Variants in MGMT observed in about 807,000 individuals in gnomAD.
The protein encoded by MGMT is methylated-DNA--protein-cysteine methyltransferase.
MGMT carries 14 observed loss-of-function variants against 15.9 expected under a neutral mutation model. The ratio of observed to expected loss-of-function variants is 0.88; its 90% CI spans 0.58 to 1.37. The LOEUF is 1.37. Among genes scored for constraint, MGMT ranks in the 40% most tolerant of loss-of-function variants. The probability of loss-of-function intolerance (pLI) is 0.00; values close to 1 mark genes in which losing one functional copy is unlikely to be tolerated. For synonymous variants in MGMT, 130 were observed against 118.2 expected (o/e 1.10, Z -0.65); for missense variants, 282 against 268.1 (o/e 1.05, Z -0.36).
intron 2 of MGMT, among the ~76,000 whole-genome samples, chr10:129,674,478 T>G (rs1026519171): frequency 2.0e-5 from 3 of 152,216 alleles, no homozygotes; most frequent in Non-Finnish European, 4.4e-5. Flanking sequence ...AGTGGACTCT[T>G]GCTCCTTCCT....
At chr10:129,646,754 A>ATTTTTTTTTTTTTTTTTTTTTTTT (rs1554873525) in intron 2 of MGMT, among the ~76,000 whole-genome samples, 1 of 86,676 alleles carries the variant, frequency 1.2e-5, no homozygotes, top group Admixed American at 1.2e-4. Context: ...ATATATATAT[A>ATTTTTTTTTTTTTTTTTTTTTTTT]TTTTCAGGGA....
chr10:129,765,134 T>TC (rs771819444), intron 4 of MGMT, among the ~76,000 whole-genome samples: 2 of 151,672 alleles, frequency 1.3e-5, no homozygotes, highest in African/African-American at 4.8e-5. Flanking sequence ...ATGAGGCATG[T>TC]CCCCCCACAC....
intron 2 of MGMT, among the ~76,000 whole-genome samples, chr10:129,573,867 C>A (rs901054906): frequency 3.9e-5 from 6 of 152,058 alleles, no homozygotes; most frequent in African/African-American, 1.4e-4. Flanking sequence ...TCTAAGATCA[C>A]CGAATGGAGA....
chr10:129,514,709 C>T (rs1313528842), intron 1 of MGMT, among the ~76,000 whole-genome samples: 4 of 152,116 alleles, frequency 2.6e-5, no homozygotes, highest in South Asian at 2.1e-4. Context: ...GTAGAGCCCT[C>T]GACGATTGAG....
rs75453220 is a variant in MGMT, at chr10:129,683,509, G to T, written c.126-24386G>T. Among the ~76,000 whole-genome samples, 4 of 151,522 alleles carry T rather than the reference G, an allele frequency of 2.6e-5. No individual in the cohort carries two copies. The Admixed American group carries it at 2.7e-4, about 10-fold the overall frequency. On this transcript the variant is annotated intron_variant, in intron 2 of 4. Coordinates refer to ENST00000651593, the MANE Select transcript of MGMT (RefSeq NM_002412.5). Reference sequence around the variant, plus strand: ...CATACACATGGCAGCTTTTAACAACGTGCAGCCATGAAATATGGAAAACTT... The same window carrying T: ...CATACACATGGCAGCTTTTAACAACTTGCAGCCATGAAATATGGAAAACTT...
intron 4 of MGMT, among the ~76,000 whole-genome samples, chr10:129,764,353 C>T (rs2133189152): frequency 6.6e-6 from 1 of 152,364 alleles, no homozygotes; most frequent in East Asian, 1.9e-4. Context: ...CCCCCACCTC[C>T]CTCGGGGACG....
intron 2 of MGMT, among the ~76,000 whole-genome samples, chr10:129,540,123 C>G (rs973882841): frequency 1.3e-5 from 2 of 152,214 alleles, no homozygotes; most frequent in African/African-American, 2.4e-5. Context: ...ATCTGGCAGA[C>G]TCCATTTCTA....
At chr10:129,685,330 C>T (rs1206671941) in intron 2 of MGMT, among the ~76,000 whole-genome samples, 1 of 152,216 alleles carries the variant, frequency 6.6e-6, no homozygotes. Flanking sequence ...AAACTTCCTG[C>T]CTGGCCTGGG....
At chr10:129,573,455 C>CCT (rs1589873680) in intron 2 of MGMT, among the ~76,000 whole-genome samples, 1 of 152,036 alleles carries the variant, frequency 6.6e-6, no homozygotes, top group East Asian at 1.9e-4. Context: ...TAAGTCCCTT[C>CCT]CTATGGCTTC....
chr10:129,547,365 C>A (rs1022840528), intron 2 of MGMT, among the ~76,000 whole-genome samples: 1 of 152,182 alleles, frequency 6.6e-6, no homozygotes, highest in East Asian at 1.9e-4. Context: ...CACCTCCCCC[C>A]TTTCCTCCTG....
intron 2 of MGMT, among the ~76,000 whole-genome samples, chr10:129,692,344 A>T (rs112271154): frequency 0.013 from 1,924 of 152,230 alleles, 28 homozygotes; most frequent in Non-Finnish European, 0.019. Flanking sequence ...ATGAGTCCAG[A>T]CCAGGGGCCT....
At chr10:129,506,255 T>C (rs376096210) in intron 1 of MGMT, among the ~76,000 whole-genome samples, 7 of 152,136 alleles carry the variant, frequency 4.6e-5, no homozygotes, top group East Asian at 3.9e-4. Flanking sequence ...AGACAGTTCA[T>C]TGGTCTCTGT....
chr10:129,530,254 A>G (rs2119746902), intron 1 of MGMT, among the ~76,000 whole-genome samples: 1 of 152,290 alleles, frequency 6.6e-6, no homozygotes, highest in African/African-American at 2.4e-5. Context: ...GACTCGTACT[A>G]ACTGTAGAAA....
At chr10:129,589,939 G>T (rs1041219221) in intron 2 of MGMT, among the ~76,000 whole-genome samples, 2 of 152,232 alleles carry the variant, frequency 1.3e-5, no homozygotes, top group Admixed American at 6.5e-5. Flanking sequence ...TCCCAGGTGG[G>T]TTGAGGCTGG....
chr10:129,637,571 T>C (rs564824799), intron 2 of MGMT, among the ~76,000 whole-genome samples: 3 of 152,180 alleles, frequency 2.0e-5, no homozygotes, highest in Non-Finnish European at 2.9e-5. Flanking sequence ...CTCAGATTTG[T>C]GCAAGTGACT....
intron 2 of MGMT, among the ~76,000 whole-genome samples, chr10:129,620,672 A>G (rs1185661220): frequency 6.6e-6 from 1 of 151,156 alleles, no homozygotes; most frequent in African/African-American, 2.4e-5. Flanking sequence ...CATGTGTTAT[A>G]CTCTTTTCCA....
At chr10:129,488,479 G>A (rs1229003343) in intron 1 of MGMT, among the ~76,000 whole-genome samples, 1 of 151,948 alleles carries the variant, frequency 6.6e-6, no homozygotes. Context: ...TCTGTTATAT[G>A]TGCTGCAATT....
intron 1 of MGMT, among the ~76,000 whole-genome samples, chr10:129,487,460 A>G (rs1845420051): frequency 6.6e-6 from 1 of 152,084 alleles, no homozygotes; most frequent in African/African-American, 2.4e-5. Context: ...TATACACTAT[A>G]TTATCATTAC....
chr10:129,593,535 C>G (rs554408556), intron 2 of MGMT, among the ~76,000 whole-genome samples: 3 of 152,220 alleles, frequency 2.0e-5, no homozygotes, highest in Non-Finnish European at 4.4e-5. Flanking sequence ...GCTTCGGATC[C>G]TTAGCCATTT....
Sources: allele counts gnomAD v4.1 joint callset (sites outside exome capture counted in the v4.1 genomes callset), GRCh38; gene constraint gnomAD v4.1.1; transcripts MANE v1.5; gene names NCBI Gene and HGNC (gene_info 2026-07-23, HGNC 2026-07-21).